Variants in RBBP6 observed in about 807,000 individuals in gnomAD.
RBBP6 encodes the protein RB binding protein 6, ubiquitin ligase.
In RBBP6, 25 loss-of-function variants were observed where a neutral mutation model predicts 167.7. That is an observed-to-expected ratio of 0.15 (90% CI 0.11 to 0.21). The LOEUF (loss-of-function observed/expected upper bound fraction) is 0.21, where lower values mean the gene tolerates loss of function less well. Ranked by LOEUF, RBBP6 falls within the 10% of genes least tolerant of loss-of-function variation. The pLI, the probability that RBBP6 is intolerant of heterozygous loss-of-function variation, is 1.00. For synonymous variants in RBBP6, 789 were observed against 735.8 expected, an observed-to-expected ratio of 1.07 and a Z score of -1.17; for missense variants, 1,868 against 2,134.2, an observed-to-expected ratio of 0.88 and a Z score of 2.46.
chr16:24,554,069 T>G (rs1473604159), intron 4 of RBBP6: 1 of 152,724 alleles, frequency 6.5e-6, no homozygotes, highest in African/African-American at 2.4e-5. Context: ...ACAACCTAAT[T>G]TGTTTGAACA....
At chr16:24,566,570 G>C (rs1455808505) in intron 14 of RBBP6, among the ~76,000 whole-genome samples, 3 of 151,982 alleles carry the variant, frequency 2.0e-5, no homozygotes, top group African/African-American at 2.4e-5. Context: ...GTGAAACCCT[G>C]TCTCTCCTAA....
Position 24,540,710 on chromosome 16 carries a change from C to G in RBBP6, c.84C>G (p.Asp28Glu), listed in dbSNP as rs1161491627. 1 of 1,614,188 alleles carries G rather than the reference C, an allele frequency of 6.2e-7. No homozygotes were observed. Among genetic ancestry groups the G allele is most frequent in the Admixed American group, 1.7e-5 (1 of 60,024 alleles). ...TFDGLHISLC[D>E]LKKQIMGREK... ...ATGGGCTCCACATCTCCCTCTGCGA[C>G]TTAAAGAAGCAGATTATGGGGAGAG... is the stretch of plus-strand genomic sequence containing the variant. The change falls in exon 1 of 18, where the codon GAC becomes GAG. Residue 28 changes from aspartate to glutamate, a missense_variant. Transcript: ENST00000319715.
At chr16:24,553,398 G>A (rs2141463274) in intron 3 of RBBP6, 115 bp from the exon 4 acceptor site, 5 of 780,814 alleles carry the variant, frequency 6.4e-6, no homozygotes, top group Non-Finnish European at 1.0e-5. Flanking sequence ...ACATTCTTTA[G>A]AAAACTAAGA....
chr16:24,558,376 CT>C (rs1239952326), intron 7 of RBBP6: 11 of 698,306 alleles, frequency 1.6e-5, no homozygotes, highest in African/African-American at 3.9e-5. Flanking sequence ...CTGTTCTCCT[CT>C]TTTTTTCTTT....
rs958860323 is a variant in RBBP6, at chr16:24,539,740, C to G, written c.-887C>G. The G allele has an allele frequency of 6.6e-6, 1 of 152,218 alleles. No individual in the cohort carries two copies. The highest frequency in any genetic ancestry group is 2.4e-5 in the African/African-American group (1 of 41,462). 9.4% of individuals were successfully genotyped at this position (152,218 alleles called of 1,614,324 possible). A position where few individuals can be genotyped will look rare whatever the true frequency, so the allele number is the denominator to read the frequency against. ...GGCGTGTTCTCGCGGTTCCGGGCCT[C>G]AAGGCGACGGAAACGAAAGGCGAGC... On this transcript the variant is annotated 5_prime_UTR_variant, in exon 1 of 18. Transcript: ENST00000319715.
chr16:24,564,397 C>T (rs1596510836), intron 13 of RBBP6, among the ~76,000 whole-genome samples: 1 of 152,162 alleles, frequency 6.6e-6, no homozygotes, highest in South Asian at 2.1e-4. Flanking sequence ...TGGTTTTACT[C>T]CCTAACATCC....
chr16:24,541,402 C>T (rs1898494013), intron 1 of RBBP6, among the ~76,000 whole-genome samples: 1 of 152,104 alleles, frequency 6.6e-6, no homozygotes, highest in South Asian at 2.1e-4. Context: ...GATGTCACCG[C>T]TCTTGTCTTG....
chr16:24,551,770 A>G lies in RBBP6; in HGVS notation c.304-1743A>G, dbSNP rs75350062. 5.0e-3 allele frequency among the ~76,000 whole-genome samples: 752 copies of G among 151,832 alleles called. 22 individuals are homozygous for G. The highest frequency in any genetic ancestry group is 0.038 in the East Asian group (195 of 5,180). ...AGGAAATCATCAGTATTTATATTCT[A>G]TTCTAGATAGTAATGGGCTATTTTT... On this transcript the variant is annotated intron_variant, in intron 3 of 17. Coordinates refer to ENST00000319715, the MANE Select transcript of RBBP6 (RefSeq NM_006910.5).
Position 24,571,838 on chromosome 16 carries a change from T to C in RBBP6, c.4772T>C (p.Leu1591Pro), listed in dbSNP as rs771485001. Residue 1591 changes from leucine to proline, a missense_variant, in exon 18 of 18, where the codon CTT becomes CCT. Physicochemically the swap from Leu to Pro is moderately conservative, Grantham distance 98. Transcript: ENST00000319715. ...AGTGGCAATAAACTACTTTATATAC[T>C]TAACCCACCAGAGACACAGGTTGAA... ...ESSGNKLLYI[L>P]NPPETQVEKE... The C allele has an allele frequency of 4.3e-6, 7 of 1,614,040 alleles. No individual in the cohort carries two copies. In the African/African-American group the frequency reaches 8.0e-5, roughly 18 times the overall value.
chr16:24,562,425 A>G (rs962452201), intron 10 of RBBP6, among the ~76,000 whole-genome samples: 3 of 152,210 alleles, frequency 2.0e-5, no homozygotes, highest in Middle Eastern at 6.3e-3. Flanking sequence ...TCCATATACC[A>G]TAACAGCTCT....
Position 24,568,930 on chromosome 16 carries a change from G to T in RBBP6, c.2240G>T (p.Arg747Leu), listed in dbSNP as rs761978938. ...GGCAAGAGCCGCAATTACCGTTCAC[G>T]GTCTAGATCTCATGGATATCATCGA... ...GRGKSRNYRS[R>L]SRSHGYHRSR... Residue 747 changes from arginine (R) to leucine (L), a missense_variant, in exon 17 of 18, where the codon CGG (arginine) becomes CTG (leucine). Transcript: ENST00000319715. The T allele has an allele frequency of 6.2e-7, 1 of 1,614,202 alleles. No homozygotes were observed. Among genetic ancestry groups the T allele is most frequent in the Non-Finnish European group, 8.5e-7 (1 of 1,180,034 alleles).
In RBBP6 at chr16:24,568,906, G is replaced by C; in HGVS notation, c.2216G>C (p.Gly739Ala). 1.9e-6 allele frequency: 3 copies of C among 1,614,202 alleles called. No individual in the cohort carries two copies. The highest frequency in any genetic ancestry group is 2.5e-6 in the Non-Finnish European group (3 of 1,180,036). ...CCTCCATACCCCAGAAGAGGCAGAGGCAAGAGCCGCAATTACCGTTCACGG... is the reference window on the plus strand; with the variant it reads ...CCTCCATACCCCAGAAGAGGCAGAGCCAAGAGCCGCAATTACCGTTCACGG... ...RSPPYPRRGR[G>A]KSRNYRSRSR... The change falls in exon 17 of 18, where the codon GGC becomes GCC. Residue 739 changes from glycine to alanine, a missense_variant. Coordinates refer to ENST00000319715, the MANE Select transcript of RBBP6 (RefSeq NM_006910.5).
chr16:24,540,056 TG>T lies in RBBP6; in HGVS notation c.-566del, dbSNP rs1395756513. On this transcript the variant is annotated 5_prime_UTR_variant, in exon 1 of 18. Coordinates refer to ENST00000319715, the MANE Select transcript of RBBP6 (RefSeq NM_006910.5). Reference sequence around the variant, plus strand: ...GCAGGCGCCAGGGGTTTGTGTGCGGTGGGGGCCTGGGCCTGGGCCTGGGGAA... The same window carrying T: ...GCAGGCGCCAGGGGTTTGTGTGCGGTGGGGCCTGGGCCTGGGCCTGGGGAA... 1.3e-5 allele frequency: 2 copies of T among 151,172 alleles called. No homozygotes were observed. Among genetic ancestry groups the T allele is most frequent in the Non-Finnish European group, 1.5e-5 (1 of 68,568 alleles). The allele number at this position is 151,172 out of a possible 1,614,324, so 9.4% of individuals were successfully genotyped here.
rs767582208 is a variant in RBBP6 at position 24,569,917 on chromosome 16, C to T, written c.3227C>T (p.Ser1076Phe). 7 of 1,609,044 alleles carry T rather than the reference C, an allele frequency of 4.4e-6. No individual in the cohort carries two copies. Among genetic ancestry groups the T allele is most frequent in the Non-Finnish European group, 5.1e-6 (6 of 1,178,910 alleles). The change falls in exon 17 of 18, where the codon TCT (serine) becomes TTT (phenylalanine). Residue 1076 changes from serine (S) to phenylalanine (F), a missense_variant. Physicochemically the swap from Ser to Phe is radical, Grantham distance 155 (BLOSUM62 -2). Around this residue, in one of 7 missense-constraint regions of RBBP6, gnomAD observed 673 missense variants for 691.5 expected, o/e 0.97. Coordinates refer to ENST00000319715, the MANE Select transcript of RBBP6 (RefSeq NM_006910.5). ...TPKTDNTKSSSSSQKDEKITG... is the reference protein window; with the variant it reads ...TPKTDNTKSSFSSQKDEKITG... ...AAGACTGACAATACTAAATCATCAT[C>T]TTCCTCTCAGAAGGATGAAAAAATC...
rs1032305860 is a variant in RBBP6, at chr16:24,570,448, G to A, written c.3758G>A (p.Arg1253Gln). Residue 1253 changes from arginine to glutamine, a missense_variant, in exon 17 of 18, where the codon CGA becomes CAA. Physicochemically the swap from Arg to Gln is conservative, Grantham distance 43 (BLOSUM62 1). This residue lies in a region of RBBP6 where 673 missense variants were observed against 691.5 expected (regional missense o/e 0.97). Coordinates refer to ENST00000319715, the MANE Select transcript of RBBP6 (RefSeq NM_006910.5). Reference protein sequence around the residue: ...KQEKVKGKVRRKVTGTEGSSS... With the variant: ...KQEKVKGKVRQKVTGTEGSSS... ...GAAAAAGTCAAAGGAAAGGTCAGAC[G>A]AAAAGTGACTGGAACTGAAGGATCC... is the stretch of plus-strand genomic sequence containing the variant. 13 of 1,603,824 alleles carry A rather than the reference G, an allele frequency of 8.1e-6. No individual in the cohort carries two copies. Among genetic ancestry groups the A allele is most frequent in the South Asian group, 2.2e-5 (2 of 88,902 alleles).
Position 24,553,414 on chromosome 16 carries a change from C to G in RBBP6, c.304-99C>G, listed in dbSNP as rs558395798. The G allele has an allele frequency of 4.2e-5, 38 of 913,754 alleles. No homozygotes were observed. The Admixed American group carries it at 4.3e-4, about 10-fold the overall frequency. 56.6% of individuals were successfully genotyped at this position (913,754 alleles called of 1,614,324 possible). ...CATTCTTTAGAAAACTAAGAAAATGCCCAATATTTCAACATTAAGGTGTCA... is the reference window on the plus strand; with the variant it reads ...CATTCTTTAGAAAACTAAGAAAATGGCCAATATTTCAACATTAAGGTGTCA... On this transcript the variant is annotated intron_variant, in intron 3 of 17. Coordinates refer to ENST00000319715, the MANE Select transcript of RBBP6 (RefSeq NM_006910.5).
In RBBP6 at chr16:24,569,473, G is replaced by T. The variant is rs752554164; in HGVS notation, c.2783G>T (p.Gly928Val). Residue 928 changes from glycine (G) to valine (V), a missense_variant, in exon 17 of 18, where the codon GGT (glycine) becomes GTT (valine). Gly to Val is a moderately radical substitution (Grantham distance 109). Transcript: ENST00000319715. ...EKESENAPGD[G>V]KGNKHKKHRK... ...GAGAGTGAAAACGCTCCAGGAGATG[G>T]TAAAGGAAATAAGCATAAGAAACAC... The T allele has an allele frequency of 1.9e-6, 3 of 1,611,274 alleles. No homozygotes were observed. Among genetic ancestry groups the T allele is most frequent in the Non-Finnish European group, 2.5e-6 (3 of 1,179,360 alleles).
intron 7 of RBBP6, among the ~76,000 whole-genome samples, chr16:24,557,222 T>C (rs1052780314): frequency 3.3e-5 from 5 of 152,088 alleles, no homozygotes; most frequent in African/African-American, 1.2e-4. Context: ...GACCTTGTGC[T>C]CCACCCGCCT....
intron 1 of RBBP6, among the ~76,000 whole-genome samples, chr16:24,545,026 T>C (rs1391512728): frequency 6.6e-6 from 1 of 152,208 alleles, no homozygotes; most frequent in African/African-American, 2.4e-5. Flanking sequence ...GCCTGGTTAT[T>C]AGTCCCCTGG....
Sources: allele counts gnomAD v4.1 joint callset (sites outside exome capture counted in the v4.1 genomes callset), GRCh38; gene constraint gnomAD v4.1.1; regional missense constraint gnomAD v4.1.1; transcripts MANE v1.5; gene names NCBI Gene and HGNC (gene_info 2026-07-23, HGNC 2026-07-21).